DLGAP1: variants seen among roughly 807,000 people sequenced by gnomAD.
DLGAP1 encodes DLG associated protein 1.
In DLGAP1, 11 loss-of-function variants were observed where a neutral mutation model predicts 90.8. That is an observed-to-expected ratio of 0.12 (90% CI 0.08 to 0.20). The LOEUF (loss-of-function observed/expected upper bound fraction) is 0.20, where lower values mean the gene tolerates loss of function less well. Ranked by LOEUF, DLGAP1 falls within the 10% of genes least tolerant of loss-of-function variation. The probability of loss-of-function intolerance (pLI) is 1.00; values close to 1 mark genes in which losing one functional copy is unlikely to be tolerated. For missense variants in DLGAP1, 1,050 were observed against 1,333.8 expected (o/e 0.79, Z 3.31); for synonymous variants, 558 against 540.7 (o/e 1.03, Z -0.44).
At chr18:3,611,490 GT>G (rs1027574497) in intron 7 of DLGAP1, among the ~76,000 whole-genome samples, 1 of 152,074 alleles carries the variant, frequency 6.6e-6, no homozygotes, top group African/African-American at 2.4e-5. Context: ...CTACGTTCTA[GT>G]TAGCAGCCTT....
intron 1 of DLGAP1, among the ~76,000 whole-genome samples, chr18:4,302,731 A>C (rs963676395): frequency 3.9e-5 from 6 of 152,132 alleles, no homozygotes; most frequent in African/African-American, 1.2e-4. Context: ...GAGTTTTAGA[A>C]ACTTTTCTAA....
At chr18:3,712,147 A>G (rs941330762) in intron 7 of DLGAP1, among the ~76,000 whole-genome samples, 2 of 152,164 alleles carry the variant, frequency 1.3e-5, no homozygotes, top group Non-Finnish European at 2.9e-5. Context: ...CTGAGTGGGG[A>G]TCTCACTGCA....
chr18:3,848,157 A>AAAAAAAAAAC (rs2069125771), intron 4 of DLGAP1, among the ~76,000 whole-genome samples: 1 of 130,800 alleles, frequency 7.6e-6, no homozygotes, highest in Non-Finnish European at 1.7e-5. Flanking sequence ...AAAAAAAAAA[A>AAAAAAAAAAC]AGCCAAGGAC....
At chr18:3,629,629 G>T (rs967363867) in intron 7 of DLGAP1, among the ~76,000 whole-genome samples, 3 of 151,882 alleles carry the variant, frequency 2.0e-5, no homozygotes, top group African/African-American at 7.3e-5. Context: ...CCGAGATCGC[G>T]CCACCGCACT....
chr18:4,416,542 G>T (rs532602327), intron 1 of DLGAP1, among the ~76,000 whole-genome samples: 11 of 152,310 alleles, frequency 7.2e-5, no homozygotes, highest in Admixed American at 3.3e-4. Context: ...TTTGGTTAAT[G>T]AGAGAGTCAG....
intron 1 of DLGAP1, among the ~76,000 whole-genome samples, chr18:4,353,344 G>T (rs988076903): frequency 6.6e-6 from 1 of 152,140 alleles, no homozygotes; most frequent in African/African-American, 2.4e-5. Flanking sequence ...AAGCTGACAT[G>T]TTTCAAATGA....
chr18:3,942,815 T>C (rs2072796280), intron 3 of DLGAP1, among the ~76,000 whole-genome samples: 1 of 152,214 alleles, frequency 6.6e-6, no homozygotes, highest in Non-Finnish European at 1.5e-5. Flanking sequence ...ATTATTTGTT[T>C]TGTTCAAACT....
intron 3 of DLGAP1, among the ~76,000 whole-genome samples, chr18:3,965,723 T>C (rs112443073): frequency 0.08 from 12,111 of 151,902 alleles, 709 homozygotes; most frequent in African/African-American, 0.16. Context: ...CGAGGTGGGC[T>C]GATTACCTGA....
At chr18:3,523,627 C>CGCTTGA in intron 10 of DLGAP1, among the ~76,000 whole-genome samples, 1 of 151,818 alleles carries the variant, frequency 6.6e-6, no homozygotes, top group East Asian at 2.0e-4. Context: ...GAGGGCGGAT[C>CGCTTGA]ACGAGGTCAG....
intron 2 of DLGAP1, among the ~76,000 whole-genome samples, chr18:4,041,208 T>C (rs1248146376): frequency 6.6e-6 from 1 of 152,232 alleles, no homozygotes; most frequent in Non-Finnish European, 1.5e-5. Flanking sequence ...AGTGGGGAGA[T>C]GTCAATGTAA....
intron 2 of DLGAP1, among the ~76,000 whole-genome samples, chr18:4,137,478 T>G (rs955109060): frequency 1.3e-5 from 2 of 152,146 alleles, no homozygotes; most frequent in Non-Finnish European, 2.9e-5. Flanking sequence ...TTCTGTTCCA[T>G]TGGTCTATGT....
chr18:3,809,153 C>T (rs1448221248), intron 5 of DLGAP1, among the ~76,000 whole-genome samples: 2 of 152,012 alleles, frequency 1.3e-5, no homozygotes, highest in African/African-American at 4.8e-5. Flanking sequence ...TTCAGGGGCT[C>T]AGTCTGTTCT....
intron 7 of DLGAP1, among the ~76,000 whole-genome samples, chr18:3,658,298 C>T (rs935778912): frequency 6.6e-6 from 1 of 152,100 alleles, no homozygotes; most frequent in African/African-American, 2.4e-5. Flanking sequence ...TTGTAAGTTA[C>T]ACAATTTAAT....
intron 10 of DLGAP1, among the ~76,000 whole-genome samples, chr18:3,525,881 C>A (rs571607246): frequency 1.3e-5 from 2 of 152,318 alleles, no homozygotes; most frequent in Admixed American, 1.3e-4. Flanking sequence ...CCTCTTCATG[C>A]TTTCGTGCCC....
chr18:4,285,066 A>T (rs1796282432), intron 1 of DLGAP1, among the ~76,000 whole-genome samples: 1 of 127,822 alleles, frequency 7.8e-6, no homozygotes, highest in African/African-American at 2.6e-5. Flanking sequence ...TAAAGTAATA[A>T]TTTCTACTTT....
rs544784574 is a variant in DLGAP1, at chr18:4,342,827, TTTAA to T, written c.-267+112175_-267+112178del. Among the ~76,000 whole-genome samples, 94 of 152,332 alleles carry T rather than the reference TTTAA, an allele frequency of 6.2e-4. No homozygotes were observed. The highest frequency in any genetic ancestry group is 1.9e-3 in the African/African-American group (81 of 41,580). Reference sequence around the variant, plus strand: ...CAGAAAATCTTTACAAATTTTTTGATTTAATTGTTTACAACAATTCATAGAGAAC... The same window carrying T: ...CAGAAAATCTTTACAAATTTTTTGATTTGTTTACAACAATTCATAGAGAAC... On this transcript the variant is annotated intron_variant, in intron 1 of 12. Coordinates refer to ENST00000315677, the MANE Select transcript of DLGAP1 (RefSeq NM_004746.4). The surrounding 1 kb of genome is among the most constrained non-coding windows in gnomAD (Gnocchi z 5.8).
chr18:3,656,596 G>C (rs751951601), intron 7 of DLGAP1, among the ~76,000 whole-genome samples: 1 of 152,076 alleles, frequency 6.6e-6, no homozygotes, highest in Admixed American at 6.6e-5. Flanking sequence ...GGGGTGGTTG[G>C]GCCAGAGCCC....
At chr18:3,691,381 C>T (rs1001896358) in intron 7 of DLGAP1, among the ~76,000 whole-genome samples, 5 of 150,496 alleles carry the variant, frequency 3.3e-5, no homozygotes, top group Admixed American at 1.3e-4. Flanking sequence ...TGAGCTACAT[C>T]GCGCCACTGC....
chr18:3,976,671 C>A (rs1474049292), intron 3 of DLGAP1, among the ~76,000 whole-genome samples: 1 of 152,068 alleles, frequency 6.6e-6, no homozygotes, highest in African/African-American at 2.4e-5. Flanking sequence ...GTACTTATAA[C>A]TTTGTATTTA....
Sources: allele counts gnomAD v4.1 joint callset (sites outside exome capture counted in the v4.1 genomes callset), GRCh38; gene constraint gnomAD v4.1.1; non-coding constraint Gnocchi (gnomAD v3.1); transcripts MANE v1.5; gene names NCBI Gene and HGNC (gene_info 2026-07-23, HGNC 2026-07-21).